Variants in FBRSL1 observed in about 807,000 individuals in gnomAD.
The protein encoded by FBRSL1 is fibrosin-1-like protein.
Under a neutral mutation model 89.6 loss-of-function variants are expected in FBRSL1, and 51 were observed. The ratio of observed to expected loss-of-function variants is 0.57; its 90% CI spans 0.45 to 0.72. The LOEUF (loss-of-function observed/expected upper bound fraction) is 0.72. Among genes scored for constraint, FBRSL1 ranks in the 30% least tolerant of loss-of-function variants. FBRSL1 has a pLI of 0.00. For synonymous variants in FBRSL1, 779 were observed against 681.1 expected (o/e 1.14, Z -2.24); for missense variants, 1,618 against 1,451.8 (o/e 1.11, Z -1.86).
At chr12:132,494,405 A>C (rs180893698) in intron 1 of FBRSL1, among the ~76,000 whole-genome samples, 4 of 152,220 alleles carry the variant, frequency 2.6e-5, no homozygotes, top group African/African-American at 9.6e-5. Flanking sequence ...GGCCATCCTT[A>C]TCTGGCCTCA....
intron 6 of FBRSL1, among the ~76,000 whole-genome samples, 177 bp from the exon 7 acceptor site, chr12:132,569,749 C>T (rs1035901460): frequency 5.9e-5 from 9 of 152,148 alleles, no homozygotes; most frequent in Non-Finnish European, 1.0e-4. Flanking sequence ...GGCCTGGAGC[C>T]TCGGGTGAGA....
In FBRSL1 at chr12:132,582,173, C is replaced by T. The variant is rs372884108; in HGVS notation, c.2108C>T (p.Pro703Leu). ...LHRAPPSFPA[P>L]PPWPKSVDAE... The stretch of plus-strand genomic sequence containing the variant: ...CGGGCACCGCCCTCCTTCCCGGCTC[C>T]GCCCCCGTGGCCCAAGTCCGTGGAC... The change falls in exon 18 of 19, where the codon CCG becomes CTG. Residue 703 changes from proline to leucine, a missense_variant. Transcript: ENST00000680143. 3.4e-4 allele frequency: 531 copies of T among 1,550,134 alleles called. No individual in the cohort carries two copies. The highest frequency in any genetic ancestry group is 4.4e-4 in the Non-Finnish European group (500 of 1,146,844).
At chr12:132,531,144 G>A (rs1482737612) in intron 4 of FBRSL1, among the ~76,000 whole-genome samples, 1 of 152,160 alleles carries the variant, frequency 6.6e-6, no homozygotes, top group African/African-American at 2.4e-5. Flanking sequence ...CAGGGGTGGA[G>A]GACCAAGAAC....
At chr12:132,508,498 C>T (rs989866816) in intron 2 of FBRSL1, 148 bp downstream of exon 2, 8 of 1,014,754 alleles carry the variant, frequency 7.9e-6, no homozygotes, top group Middle Eastern at 3.3e-4. Flanking sequence ...GTGCAGGACA[C>T]GTGGACAGGG....
At chr12:132,502,483 C>T (rs79064168) in intron 1 of FBRSL1, among the ~76,000 whole-genome samples, 2 of 152,158 alleles carry the variant, frequency 1.3e-5, no homozygotes, top group East Asian at 1.9e-4. Flanking sequence ...GAGGAACGTC[C>T]GAGTGCACAG....
At chr12:132,566,330 T>C (rs1172692587) in intron 5 of FBRSL1, 1 of 150,542 alleles carries the variant, frequency 6.6e-6, no homozygotes, top group Non-Finnish European at 1.5e-5. Context: ...TCCCATCACC[T>C]GGGGGTGAGG....
At chr12:132,537,506 C>T (rs545923487) in intron 4 of FBRSL1, among the ~76,000 whole-genome samples, 44 of 152,224 alleles carry the variant, frequency 2.9e-4, no homozygotes, top group Middle Eastern at 3.4e-3. Context: ...TTGTGGCAGT[C>T]GCGACTTGAG....
chr12:132,578,221 C>G (rs763841826), intron 15 of FBRSL1, among the ~76,000 whole-genome samples: 2 of 152,134 alleles, frequency 1.3e-5, no homozygotes, highest in Admixed American at 6.5e-5. Context: ...GGCGCACGCC[C>G]GTGGTCCCAG....
chr12:132,531,664 T>C (rs148189820), intron 4 of FBRSL1, among the ~76,000 whole-genome samples: 1,662 of 149,518 alleles, frequency 0.011, 32 homozygotes, highest in East Asian at 0.11. Context: ...CTTGGCGTTG[T>C]GTGTTGTGCA....
In FBRSL1 at chr12:132,499,853, C is replaced by A. The variant is rs61952071; in HGVS notation, c.292-8300C>A. ...GTCCTCAGGAGTGTGAGGGACAGAA[C>A]GGCCTCTGAGCCCCAGCTCCGTTGG... On this transcript the variant is annotated intron_variant, in intron 1 of 18. Transcript: ENST00000680143. This position sits in a 1 kb window ranked among gnomAD's most constrained non-coding sequence, Gnocchi z 4.3. Among the ~76,000 whole-genome samples, 42,291 of 151,950 alleles carry A rather than the reference C, an allele frequency of 0.28. 6,055 individuals are homozygous for A. The highest frequency in any genetic ancestry group is 0.3 in the Non-Finnish European group (20,692 of 67,932).
At chr12:132,534,097 G>C (rs910413786) in intron 4 of FBRSL1, among the ~76,000 whole-genome samples, 2 of 152,188 alleles carry the variant, frequency 1.3e-5, no homozygotes, top group Non-Finnish European at 2.9e-5. Context: ...ACCCAGTGCT[G>C]AGAGGGGCAG....
At chr12:132,571,341 G>A (rs1246259907) in intron 9 of FBRSL1, 110 bp downstream of exon 9, 1 of 1,549,924 alleles carries the variant, frequency 6.5e-7, no homozygotes, top group Non-Finnish European at 8.7e-7. Context: ...TGAACACGCG[G>A]TTTCTGGTGC....
intron 4 of FBRSL1, among the ~76,000 whole-genome samples, chr12:132,531,988 A>G (rs1277133426): frequency 6.6e-6 from 1 of 152,210 alleles, no homozygotes; most frequent in East Asian, 1.9e-4. Flanking sequence ...CTTCCACCCA[A>G]GGATGTGGTG....
intron 1 of FBRSL1, 100 bp from the exon 2 acceptor site, chr12:132,508,053 T>G: frequency 3.3e-6 from 4 of 1,201,322 alleles, no homozygotes; most frequent in Non-Finnish European, 4.6e-6. Flanking sequence ...CCCTCCCAAG[T>G]GGGGAGGCTC....
At chr12:132,569,368 A>T (rs1162051877) in intron 6 of FBRSL1, among the ~76,000 whole-genome samples, 1 of 152,112 alleles carries the variant, frequency 6.6e-6, no homozygotes, top group East Asian at 1.9e-4. Context: ...TCCCTGCCCA[A>T]GTTTCCAGGA....
At chr12:132,547,199 CGG>C in intron 4 of FBRSL1, among the ~76,000 whole-genome samples, 2 of 150,474 alleles carry the variant, frequency 1.3e-5, no homozygotes, top group African/African-American at 2.4e-5. Flanking sequence ...TTACTGAAAA[CGG>C]AGAACGGACA....
intron 15 of FBRSL1, among the ~76,000 whole-genome samples, chr12:132,577,560 C>T (rs923571821): frequency 2.0e-5 from 3 of 152,018 alleles, no homozygotes; most frequent in Non-Finnish European, 4.4e-5. Flanking sequence ...CTCAGTAGCA[C>T]GGCCCAGGGT....
intron 2 of FBRSL1, among the ~76,000 whole-genome samples, chr12:132,522,598 T>G (rs2035454394): frequency 6.6e-6 from 1 of 152,226 alleles, no homozygotes; most frequent in Admixed American, 6.5e-5. Flanking sequence ...GTTTGGATAC[T>G]GACGTCACAG....
chr12:132,582,684 G>A (rs1056077974), intron 18 of FBRSL1, among the ~76,000 whole-genome samples: 2 of 152,108 alleles, frequency 1.3e-5, no homozygotes, highest in African/African-American at 4.8e-5. Context: ...CGGGGGTGCG[G>A]CTGCCGGGAG....
Sources: allele counts gnomAD v4.1 joint callset (sites outside exome capture counted in the v4.1 genomes callset), GRCh38; gene constraint gnomAD v4.1.1; non-coding constraint Gnocchi (gnomAD v3.1); transcripts MANE v1.5; gene names NCBI Gene and HGNC (gene_info 2026-07-23, HGNC 2026-07-21).